The following CD83 variants were observed in gnomAD, a reference collection of about 807,000 sequenced individuals.
CD83 encodes the protein CD83 molecule.
CD83 carries 22 observed loss-of-function variants against 24.6 expected under a neutral mutation model. That is an observed-to-expected ratio of 0.90 (90% CI 0.64 to 1.28). The LOEUF (loss-of-function observed/expected upper bound fraction) is 1.28. Among genes scored for constraint, CD83 ranks in the 50% most tolerant of loss-of-function variants. The pLI is 0.00. For synonymous variants in CD83, 101 were observed against 103.5 expected (o/e 0.98, Z 0.14); for missense variants, 253 against 252.8 (o/e 1.00, Z -0.01).
intron 2 of CD83, among the ~76,000 whole-genome samples, chr6:14,125,420 G>C (rs571292422): frequency 1.5e-3 from 229 of 152,324 alleles, no homozygotes; most frequent in African/African-American, 5.2e-3. Context: ...AAGTGTTTCA[G>C]ATTTTTGGAT....
At chr6:14,121,061 G>C (rs369839387) in intron 2 of CD83, among the ~76,000 whole-genome samples, 2 of 152,086 alleles carry the variant, frequency 1.3e-5, no homozygotes, top group African/African-American at 4.8e-5. Flanking sequence ...TCCAACAAAG[G>C]GTCCTCTTCT....
chr6:14,131,674 G>T lies in CD83; in HGVS notation c.308G>T (p.Gly103Val). The T allele has an allele frequency of 6.2e-7, 1 of 1,614,132 alleles. No individual in the cohort carries two copies. Among genetic ancestry groups the T allele is most frequent in the South Asian group, 1.1e-5 (1 of 91,078 alleles). The change falls in exon 3 of 5, where the codon GGG (glycine) becomes GTG (valine). Residue 103 changes from glycine to valine, a missense_variant. By Grantham distance (109) the Gly-to-Val change is moderately radical (BLOSUM62 -3). Transcript: ENST00000379153. The part of the protein sequence containing the change: ...KIRNTTSCNS[G>V]TYRCTLQDPD... ...CGAAACACTACCAGCTGCAACTCGG[G>T]GACATACAGGTGCACTCTGCAGGAC...
intron 2 of CD83, 130 bp from the exon 3 acceptor site, chr6:14,131,390 C>A: frequency 3.0e-6 from 2 of 677,202 alleles, no homozygotes; most frequent in African/African-American, 1.8e-5. Context: ...GTCACACACA[C>A]ACAAAAGCAT....
At chr6:14,133,303 A>G (rs537853747) in intron 3 of CD83, among the ~76,000 whole-genome samples, 17 of 152,390 alleles carry the variant, frequency 1.1e-4, no homozygotes, top group African/African-American at 4.1e-4. Context: ...GCAGGCAGAC[A>G]GGCCGCAGGA....
At chr6:14,117,349 C>T (rs575143143), upstream of CD83, 18 of 152,306 alleles carry the variant, frequency 1.2e-4, no homozygotes, top group South Asian at 2.1e-4. The surrounding 1 kb of genome is among the most constrained non-coding windows in gnomAD (Gnocchi z 4.6). Flanking sequence ...CCCACCCTCT[C>T]GGAATCTGGT....
chr6:14,129,763 A>AG lies in CD83; in HGVS notation c.154-1754dup, dbSNP rs1333262383. On this transcript the variant is annotated intron_variant, in intron 2 of 4. Transcript: ENST00000379153. The surrounding 1 kb of genome is among the most constrained non-coding windows in gnomAD (Gnocchi z 4.3). ...CTCTACAGGAATGCTCACAAACACC[A>AG]GGGCTGGAGCCTGAGCTTTCCGGTG... 2.6e-5 allele frequency among the ~76,000 whole-genome samples: 4 copies of AG among 152,234 alleles called. No individual in the cohort carries two copies. In the East Asian group the frequency reaches 7.7e-4, roughly 29 times the overall value.
chr6:14,121,228 G>T (rs1360032802), intron 2 of CD83, among the ~76,000 whole-genome samples: 1 of 152,022 alleles, frequency 6.6e-6, no homozygotes, highest in Admixed American at 6.5e-5. Flanking sequence ...GGAGTACAGT[G>T]GCATGAAGAT....
At chr6:14,119,273 G>A (rs6934585) in intron 2 of CD83, among the ~76,000 whole-genome samples, 4,287 of 152,280 alleles carry the variant, frequency 0.028, 199 homozygotes, top group African/African-American at 0.095. Context: ...ATTGTATTGT[G>A]TATAAAAGTA....
At position 14,117,999 on chromosome 6, in the gene CD83, A is replaced by G. The variant is rs1174996384; in HGVS notation, c.87A>G (p.Glu29=). 2.5e-6 allele frequency: 4 copies of G among 1,611,116 alleles called. No homozygotes were observed. Among genetic ancestry groups the G allele is most frequent in the Admixed American group, 3.3e-5 (2 of 59,780 alleles). ...ATPEVKVACS[E]DVDLPCTAPW... ...CGGAGGTGAAGGTGGCTTGCTCCGA[A>G]GATGTGGACTTGCCCTGCACCGCCC... Residue 29 remains glutamate (E), a synonymous_variant, in exon 2 of 5, where the codon GAA becomes GAG. Transcript: ENST00000379153. The surrounding 1 kb of genome is among the most constrained non-coding windows in gnomAD (Gnocchi z 4.6).
chr6:14,117,828 A>C lies in CD83; in HGVS notation c.17A>C (p.Gln6Pro), dbSNP rs1581323482. Reference protein sequence around the residue: MSRGLQLLLLSCAYSL... With the variant: MSRGLPLLLLSCAYSL... ...GCTCCAGCCATGTCGCGCGGCCTCC[A>C]GCTTCTGCTCCTGAGCTGCGGTAGG... The change falls in exon 1 of 5, where the codon CAG becomes CCG. Residue 6 changes from glutamine to proline, a missense_variant. Gln to Pro is a moderately conservative substitution (Grantham distance 76, BLOSUM62 -1). Coordinates refer to ENST00000379153, the MANE Select transcript of CD83 (RefSeq NM_004233.4). The surrounding 1 kb of genome is among the most constrained non-coding windows in gnomAD (Gnocchi z 4.6). 2 of 1,570,788 alleles carry C rather than the reference A, an allele frequency of 1.3e-6. No homozygotes were observed. Among genetic ancestry groups the C allele is most frequent in the African/African-American group, 1.4e-5 (1 of 74,052 alleles).
intron 2 of CD83, among the ~76,000 whole-genome samples, chr6:14,118,335 G>A (rs1759591771): frequency 1.7e-5 from 1 of 57,508 alleles, no homozygotes; most frequent in African/African-American, 7.8e-5. Flanking sequence ...CACTTAAGAT[G>A]TTTTGGAAGG....
At chr6:14,134,238 G>T (rs541384738) in intron 4 of CD83, among the ~76,000 whole-genome samples, 1 of 152,352 alleles carries the variant, frequency 6.6e-6, no homozygotes, top group East Asian at 1.9e-4. Context: ...TTCTGCCCAT[G>T]CCTTAAGAAT....
At chr6:14,128,056 A>G (rs918653779) in intron 2 of CD83, among the ~76,000 whole-genome samples, 4 of 152,244 alleles carry the variant, frequency 2.6e-5, no homozygotes, top group Non-Finnish European at 5.9e-5. Context: ...GCAATGGAAC[A>G]CTTTTAGATT....
At chr6:14,124,469 C>A (rs1000473092) in intron 2 of CD83, among the ~76,000 whole-genome samples, 1 of 152,108 alleles carries the variant, frequency 6.6e-6, no homozygotes, top group Non-Finnish European at 1.5e-5. Context: ...CACCTTGGAC[C>A]AGCAGTTCTG....
chr6:14,120,590 C>T (rs1759649162), intron 2 of CD83, among the ~76,000 whole-genome samples: 1 of 152,188 alleles, frequency 6.6e-6, no homozygotes, highest in African/African-American at 2.4e-5. Context: ...TCATACTGGG[C>T]AAGGAAAGCA....
rs2113380973 is a variant in CD83 at position 14,117,772 on chromosome 6, A to C, written c.-40A>C. 1 of 1,400,040 alleles carries C rather than the reference A, an allele frequency of 7.1e-7. No homozygotes were observed. Among genetic ancestry groups the C allele is most frequent in the Admixed American group, 3.1e-5 (1 of 31,928 alleles). 86.7% of individuals were successfully genotyped at this position (1,400,040 alleles called of 1,614,324 possible). ...AAAGGGCAGCCGGCGCCCGCGCGCC[A>C]CAGCTCTGCAGCTCGTGGCAGCGGC... On this transcript the variant is annotated 5_prime_UTR_variant, in exon 1 of 5. Transcript: ENST00000379153. This position sits in a 1 kb window ranked among gnomAD's most constrained non-coding sequence, Gnocchi z 4.6.
Position 14,135,779 on chromosome 6 carries a change from T to C in CD83, c.*543T>C, listed in dbSNP as rs1758035437. The C allele has an allele frequency of 6.6e-6, 1 of 152,484 alleles. No homozygotes were observed. The allele number at this position is 152,484 out of a possible 1,614,324, so 9.4% of individuals were successfully genotyped here. Reference sequence around the variant, plus strand: ...CCTGCTATTACTAAGGAGTAATCTGTGTACAAAGAAATAACAAGTCGATGA... The same window carrying C: ...CCTGCTATTACTAAGGAGTAATCTGCGTACAAAGAAATAACAAGTCGATGA... On this transcript the variant is annotated 3_prime_UTR_variant, in exon 5 of 5. Coordinates refer to ENST00000379153, the MANE Select transcript of CD83 (RefSeq NM_004233.4).
chr6:14,132,316 A>G (rs1005677466), intron 3 of CD83, among the ~76,000 whole-genome samples: 4 of 152,214 alleles, frequency 2.6e-5, no homozygotes, highest in Non-Finnish European at 4.4e-5. Context: ...TAGGCCCTCA[A>G]TGAATATTCA....
chr6:14,123,751 GAAAAAA>G (rs10647098), intron 2 of CD83, among the ~76,000 whole-genome samples: 4 of 103,400 alleles, frequency 3.9e-5, no homozygotes, highest in Admixed American at 1.0e-4. Context: ...GAGTTAAATT[GAAAAAA>G]AAAAAAAAAA....
Sources: allele counts gnomAD v4.1 joint callset (sites outside exome capture counted in the v4.1 genomes callset), GRCh38; gene constraint gnomAD v4.1.1; non-coding constraint Gnocchi (gnomAD v3.1); transcripts MANE v1.5; gene names NCBI Gene and HGNC (gene_info 2026-07-23, HGNC 2026-07-21).